The following SSBP3 variants were observed in gnomAD, a reference collection of about 807,000 sequenced individuals.
The protein encoded by SSBP3 is single-stranded DNA-binding protein 3.
SSBP3 carries 5 observed loss-of-function variants against 69.6 expected under a neutral mutation model. The ratio of observed to expected loss-of-function variants is 0.07; its 90% CI spans 0.04 to 0.15. SSBP3 has a LOEUF of 0.15. Ranked by LOEUF, SSBP3 falls within the 10% of genes least tolerant of loss-of-function variation. SSBP3 has a pLI of 1.00. For missense variants in SSBP3, 312 were observed against 534.0 expected, an observed-to-expected ratio of 0.58 and a Z score of 4.10; for synonymous variants, 196 against 193.4, an observed-to-expected ratio of 1.01 and a Z score of -0.11.
Position 54,332,407 on chromosome 1 carries a change from G to A in SSBP3, c.277-50880C>T, listed in dbSNP as rs150381316. ...TGGAGAGGATGATGTGGGATCTGGA[G>A]CCAGGAGACCTGAGTCTAGTCCCAG... On this transcript the variant is annotated intron_variant, in intron 4 of 17. Transcript: ENST00000610401. Among the ~76,000 whole-genome samples, 50 of 152,310 alleles carry A rather than the reference G, an allele frequency of 3.3e-4. No homozygotes were observed. The East Asian group carries it at 9.3e-3, about 28-fold the overall frequency.
chr1:54,271,873 G>A (rs906198344), intron 5 of SSBP3, among the ~76,000 whole-genome samples: 1 of 152,112 alleles, frequency 6.6e-6, no homozygotes, highest in Admixed American at 6.5e-5. Context: ...GGGTTCAAGC[G>A]ATTCTCTTGC....
intron 4 of SSBP3, among the ~76,000 whole-genome samples, chr1:54,292,460 A>G (rs1373446760): frequency 6.6e-6 from 1 of 152,150 alleles, no homozygotes; most frequent in African/African-American, 2.4e-5. Context: ...AGTCCAGGCC[A>G]TGTCCTCTAC....
At chr1:54,313,770 CT>C (rs779040552) in intron 4 of SSBP3, among the ~76,000 whole-genome samples, 284 of 144,432 alleles carry the variant, frequency 2.0e-3, no homozygotes, top group Non-Finnish European at 1.9e-3. Context: ...AGGATTTTTA[CT>C]TTTTTTTTTT....
intron 5 of SSBP3, among the ~76,000 whole-genome samples, chr1:54,260,086 G>A (rs1201078020): frequency 1.3e-5 from 2 of 152,212 alleles, no homozygotes; most frequent in Non-Finnish European, 2.9e-5. Flanking sequence ...ATTAAAAAGG[G>A]AGGGGAGTTA....
At chr1:54,383,639 C>T (rs1310696389) in intron 4 of SSBP3, among the ~76,000 whole-genome samples, 1 of 152,124 alleles carries the variant, frequency 6.6e-6, no homozygotes, top group Non-Finnish European at 1.5e-5. Context: ...CCCTGAATTA[C>T]AGGGTGTTCA....
intron 17 of SSBP3, 28 bp downstream of exon 17, chr1:54,228,227 A>G (rs1644320790): frequency 6.2e-7 from 1 of 1,603,974 alleles, no homozygotes; most frequent in Non-Finnish European, 8.5e-7. Flanking sequence ...CGTGGGGACG[A>G]GAGCAACAGG....
rs1013171368 is a variant in SSBP3 at position 54,260,578 on chromosome 1, C to G, written c.367-2429G>C. 2.0e-5 allele frequency among the ~76,000 whole-genome samples: 3 copies of G among 152,254 alleles called. No individual in the cohort carries two copies. The South Asian group carries it at 6.2e-4, about 31-fold the overall frequency. ...AAGGCTGGCAGGTGTGCCTCCTCTGCGCCTCCCTCAGAAGCGCCCCTGGGG... is the reference window on the plus strand; with the variant it reads ...AAGGCTGGCAGGTGTGCCTCCTCTGGGCCTCCCTCAGAAGCGCCCCTGGGG... On this transcript the variant is annotated intron_variant, in intron 5 of 17. Transcript: ENST00000610401.
At chr1:54,376,894 A>G (rs1399345025) in intron 4 of SSBP3, among the ~76,000 whole-genome samples, 1 of 152,130 alleles carries the variant, frequency 6.6e-6, no homozygotes, top group African/African-American at 2.4e-5. Context: ...TCACCCTGTG[A>G]CCAAGTCATG....
At chr1:54,318,149 A>G (rs1646147725) in intron 4 of SSBP3, among the ~76,000 whole-genome samples, 1 of 152,172 alleles carries the variant, frequency 6.6e-6, no homozygotes, top group African/African-American at 2.4e-5. Flanking sequence ...ACTTTGAACC[A>G]AGGCAAATGA....
intron 14 of SSBP3, among the ~76,000 whole-genome samples, chr1:54,230,688 G>A (rs775679790): frequency 2.6e-5 from 4 of 151,998 alleles, no homozygotes; most frequent in South Asian, 2.1e-4. Flanking sequence ...CTCCTCCAAC[G>A]CCCCCGGCCC....
chr1:54,356,702 C>T (rs1364462273), intron 4 of SSBP3: 6 of 152,218 alleles, frequency 3.9e-5, no homozygotes, highest in Admixed American at 1.3e-4. Flanking sequence ...CAAAGGGAGC[C>T]GACATCCAAA....
In SSBP3 at chr1:54,233,345, G is replaced by A. The variant is rs1332470610; in HGVS notation, c.928-4519C>T. ...TGGGAGGTGAGGAGCGTCTCTGCCCGGCCGCCCCGTCTGAGAAGTGAGGAG... is the reference window on the plus strand; with the variant it reads ...TGGGAGGTGAGGAGCGTCTCTGCCCAGCCGCCCCGTCTGAGAAGTGAGGAG... On this transcript the variant is annotated intron_variant, in intron 14 of 17. Transcript: ENST00000610401. Among the ~76,000 whole-genome samples, 7 of 147,294 alleles carry A rather than the reference G, an allele frequency of 4.8e-5. No homozygotes were observed. In the South Asian group the frequency reaches 1.3e-3, roughly 28 times the overall value.
intron 3 of SSBP3, 53 bp downstream of exon 3, chr1:54,404,523 C>T (rs1415215860): frequency 6.2e-7 from 1 of 1,600,736 alleles, no homozygotes; most frequent in Non-Finnish European, 8.5e-7. Flanking sequence ...TTCACTTGGA[C>T]CCAGGGCTCA....
At chr1:54,263,132 C>T (rs1645043722) in intron 5 of SSBP3, among the ~76,000 whole-genome samples, 1 of 152,302 alleles carries the variant, frequency 6.6e-6, no homozygotes, top group South Asian at 2.1e-4. Context: ...GGCCACTTCA[C>T]GAAAACTCCG....
At chr1:54,251,628 A>ACCCATGGGC (rs1168177447) in exon 9 of SSBP3, 1 of 1,551,524 alleles carries the variant, frequency 6.4e-7, no homozygotes, top group East Asian at 2.4e-5. Flanking sequence ...GTGGGCCGGG[A>ACCCATGGGC]CCCATGGGCC....
chr1:54,316,689 TAAATAAATAAATAAATAAATA>T (rs1207297674), intron 4 of SSBP3, among the ~76,000 whole-genome samples: 2,374 of 127,896 alleles, frequency 0.019, 275 homozygotes, highest in African/African-American at 0.076. Context: ...AATAAATAAA[TAAATAAATAAATAAATAAATA>T]AAATAAAATA....
At chr1:54,355,508 G>A (rs1410161107) in intron 4 of SSBP3, among the ~76,000 whole-genome samples, 3 of 152,040 alleles carry the variant, frequency 2.0e-5, no homozygotes, top group African/African-American at 4.8e-5. Flanking sequence ...GCCACCATGC[G>A]TGACTAATTT....
At position 54,381,101 on chromosome 1, in the gene SSBP3, G is replaced by C. The variant is rs114515647; in HGVS notation, c.276+20760C>G. ...CCCCAATACTTTTAAAAAAGAGAGA[G>C]AGGCTGGAAGTGGTGACTCACGCCT... On this transcript the variant is annotated intron_variant, in intron 4 of 17. Transcript: ENST00000610401. 6.4e-3 allele frequency among the ~76,000 whole-genome samples: 972 copies of C among 151,972 alleles called. 6 individuals carry two copies. The highest frequency in any genetic ancestry group is 0.011 in the Non-Finnish European group (737 of 67,962).
chr1:54,265,091 G>A (rs1645079083), intron 5 of SSBP3, among the ~76,000 whole-genome samples: 2 of 152,200 alleles, frequency 1.3e-5, no homozygotes. Context: ...TCAGTCTGGG[G>A]AGAAGGTCAA....
Sources: allele counts gnomAD v4.1 joint callset (sites outside exome capture counted in the v4.1 genomes callset), GRCh38; gene constraint gnomAD v4.1.1; transcripts MANE v1.5; gene names NCBI Gene and HGNC (gene_info 2026-07-23, HGNC 2026-07-21).